The following PHTF2 variants were observed in gnomAD, a reference collection of about 807,000 sequenced individuals.
PHTF2 encodes protein PHTF2.
A neutral mutation model predicts 101.2 loss-of-function variants in PHTF2; 60 were observed. That is an observed-to-expected ratio of 0.59 (90% CI 0.48 to 0.73). The LOEUF is 0.73. Ranked by LOEUF, PHTF2 falls within the 30% of genes least tolerant of loss-of-function variation. The probability of loss-of-function intolerance (pLI) is 0.00; values close to 1 mark genes in which losing one functional copy is unlikely to be tolerated. For synonymous variants in PHTF2, 311 were observed against 307.3 expected (o/e 1.01, Z -0.13); for missense variants, 747 against 908.7 (o/e 0.82, Z 2.29).
intron 3 of PHTF2, among the ~76,000 whole-genome samples, chr7:77,861,841 T>G (rs576435450): frequency 1.3e-5 from 2 of 152,186 alleles, no homozygotes; most frequent in Non-Finnish European, 2.9e-5. Flanking sequence ...GTGCATCACC[T>G]GAGGTTGAGA....
chr7:77,884,118 A>G (rs962335502), intron 3 of PHTF2, among the ~76,000 whole-genome samples: 7 of 152,222 alleles, frequency 4.6e-5, no homozygotes, highest in African/African-American at 1.7e-4. Flanking sequence ...TTCCATTTGT[A>G]TCAGCAAATA....
chr7:77,926,150 A>G (rs1383837873), intron 11 of PHTF2, among the ~76,000 whole-genome samples: 2 of 152,210 alleles, frequency 1.3e-5, no homozygotes, highest in African/African-American at 4.8e-5. Flanking sequence ...TGAAATCATT[A>G]ATTAGTTTCC....
At chr7:77,931,960 C>T (rs13229783) in intron 12 of PHTF2, among the ~76,000 whole-genome samples, 9,194 of 152,084 alleles carry the variant, frequency 0.06, 388 homozygotes, top group Middle Eastern at 0.085. Context: ...ATTAGCCAGG[C>T]GTGGTGACAG....
At chr7:77,872,873 C>A (rs1798631945) in intron 3 of PHTF2, among the ~76,000 whole-genome samples, 1 of 152,184 alleles carries the variant, frequency 6.6e-6, no homozygotes, top group South Asian at 2.1e-4. Flanking sequence ...ATTTCTAGCT[C>A]ACTCAGAGTG....
At chr7:77,921,542 C>G (rs946202984) in intron 10 of PHTF2, among the ~76,000 whole-genome samples, 7 of 152,164 alleles carry the variant, frequency 4.6e-5, no homozygotes, top group East Asian at 1.9e-4. Flanking sequence ...CTTGAACGTT[C>G]ATGTATTTTC....
chr7:77,936,312 G>A (rs1805124597), intron 12 of PHTF2, among the ~76,000 whole-genome samples: 1 of 152,108 alleles, frequency 6.6e-6, no homozygotes, highest in Non-Finnish European at 1.5e-5. Flanking sequence ...TTCATTGTTA[G>A]AAGTTATATT....
intron 1 of PHTF2, among the ~76,000 whole-genome samples, chr7:77,812,522 A>G (rs1300848566): frequency 1.3e-5 from 2 of 152,170 alleles, no homozygotes; most frequent in Non-Finnish European, 2.9e-5. Flanking sequence ...GCTTCACAAG[A>G]TGAATCACAA....
chr7:77,926,748 C>A (rs1306583316), intron 11 of PHTF2, among the ~76,000 whole-genome samples: 1 of 151,976 alleles, frequency 6.6e-6, no homozygotes, highest in Non-Finnish European at 1.5e-5. Flanking sequence ...GTGGGCGGAT[C>A]CCTTGAGCTC....
chr7:77,878,708 A>G (rs1388199154), intron 3 of PHTF2, among the ~76,000 whole-genome samples: 1 of 152,226 alleles, frequency 6.6e-6, no homozygotes, highest in Non-Finnish European at 1.5e-5. Context: ...GGAGTCAGCT[A>G]TGTCAGATTT....
intron 2 of PHTF2, among the ~76,000 whole-genome samples, chr7:77,852,452 CAACTT>C (rs2150630105): frequency 6.6e-6 from 1 of 152,272 alleles, no homozygotes; most frequent in African/African-American, 2.4e-5. Flanking sequence ...AAACTGATGA[CAACTT>C]AATACCGATT....
In PHTF2 at chr7:77,805,354, CAAAG is replaced by C. The variant is rs529156314; in HGVS notation, c.-36+6386_-36+6389del. Reference sequence around the variant, plus strand: ...TATTGATCTATTTTATTGATCCTCTCAAAGAACCAGTTTTTCGTTTTCTATGTTG... The same window carrying C: ...TATTGATCTATTTTATTGATCCTCTCAACCAGTTTTTCGTTTTCTATGTTG... On this transcript the variant is annotated intron_variant, in intron 1 of 19. Coordinates refer to ENST00000416283, the Ensembl canonical transcript of PHTF2. 2.2e-4 allele frequency among the ~76,000 whole-genome samples: 33 copies of C among 152,222 alleles called. No homozygotes were observed. In the East Asian group the frequency reaches 5.6e-3, roughly 26 times the overall value.
rs113584861 is a variant in PHTF2 at position 77,902,412 on chromosome 7, A to G, written c.445+492A>G. Among the ~76,000 whole-genome samples the G allele has an allele frequency of 7.5e-3, 1,138 of 152,292 alleles. 8 individuals carry two copies. Among genetic ancestry groups the G allele is most frequent in the Non-Finnish European group, 0.011 (767 of 68,012 alleles). ...AACCTGATGAAGTACAGGGACTGTT[A>G]CTATGCTTCGCTTATAGACGTGGGA... On this transcript the variant is annotated intron_variant, in intron 7 of 19. Transcript: ENST00000416283.
At chr7:77,823,250 C>G (rs766676035) in intron 1 of PHTF2, among the ~76,000 whole-genome samples, 2 of 149,404 alleles carry the variant, frequency 1.3e-5, no homozygotes, top group Admixed American at 6.7e-5. Flanking sequence ...GAGACGGAGT[C>G]TCGCTCTGTC....
At chr7:77,822,089 A>T (rs1032522187) in intron 1 of PHTF2, among the ~76,000 whole-genome samples, 2 of 152,112 alleles carry the variant, frequency 1.3e-5, no homozygotes, top group African/African-American at 4.8e-5. Context: ...GCACTCTTCC[A>T]CTTGGAGGGC....
chr7:77,953,877 C>G, exon 19 of PHTF2: 1 of 1,613,188 alleles, frequency 6.2e-7, no homozygotes, highest in East Asian at 2.2e-5. Context: ...CAGTGACTTG[C>G]TTGGATTTAA....
At chr7:77,922,809 C>T (rs919291920) in intron 11 of PHTF2, 31 bp downstream of exon 10, 7 of 1,433,544 alleles carry the variant, frequency 4.9e-6, no homozygotes, top group Admixed American at 4.1e-5. Context: ...TGTATACATA[C>T]GTATCTATTT....
intron 3 of PHTF2, among the ~76,000 whole-genome samples, chr7:77,864,527 C>G (rs1474189222): frequency 6.6e-6 from 1 of 152,146 alleles, no homozygotes; most frequent in African/African-American, 2.4e-5. Flanking sequence ...CTTTTCTTAC[C>G]TTCTAACACC....
At chr7:77,873,698 C>G (rs1798708597) in intron 3 of PHTF2, among the ~76,000 whole-genome samples, 1 of 152,098 alleles carries the variant, frequency 6.6e-6, no homozygotes, top group South Asian at 2.1e-4. Flanking sequence ...GAAGCTGTTC[C>G]TTCTGGCAAA....
rs140688025 is a variant in PHTF2, at chr7:77,854,756, C to A, written c.69C>A (p.Thr23=). The change falls in exon 3 of 20, where the codon ACC becomes ACA. Residue 23 remains threonine (T), a synonymous_variant. Coordinates refer to ENST00000416283, the Ensembl canonical transcript of PHTF2. ...AGGAGTTTCTCTCTGTGGCCACCAC[C>A]GCCCCAGGCCCACAGCAAGTACTGC... The A allele has an allele frequency of 8.5e-5, 62 of 729,110 alleles. 2 individuals carry two copies. The Admixed American group carries it at 9.0e-4, about 11-fold the overall frequency. The allele number at this position is 729,110 out of a possible 1,614,324, so 45.2% of individuals were successfully genotyped here.
Sources: allele counts gnomAD v4.1 joint callset (sites outside exome capture counted in the v4.1 genomes callset), GRCh38; gene constraint gnomAD v4.1.1; transcripts MANE v1.5; gene names NCBI Gene and HGNC (gene_info 2026-07-23, HGNC 2026-07-21).